Variants in EYS observed in about 807,000 individuals in gnomAD.
EYS encodes the protein protein eyes shut homolog.
A neutral mutation model predicts 282.1 loss-of-function variants in EYS; 250 were observed. That is an observed-to-expected ratio of 0.89 (90% CI 0.80 to 0.98). The LOEUF (loss-of-function observed/expected upper bound fraction) is 0.98. EYS is among the 50% of genes least tolerant of loss of function. The probability of loss-of-function intolerance (pLI) is 0.00; values close to 1 mark genes in which losing one functional copy is unlikely to be tolerated. For missense variants in EYS, 4,016 were observed against 3,709.0 expected (o/e 1.08, Z -2.15); for synonymous variants, 1,355 against 1,282.9 (o/e 1.06, Z -1.20).
intron 35 of EYS, among the ~76,000 whole-genome samples, chr6:63,901,315 G>A (rs1309217254): frequency 6.6e-6 from 1 of 152,182 alleles, no homozygotes; most frequent in African/African-American, 2.4e-5. Context: ...AAGATAGACA[G>A]AGATTATCTA....
At chr6:65,361,120 C>A (rs112175366) in intron 8 of EYS, among the ~76,000 whole-genome samples, 366 of 18,324 alleles carry the variant, frequency 0.02, no homozygotes, top group African/African-American at 0.054. Context: ...GACAAAAAAA[C>A]AAACACCGCA....
Position 64,787,404 on chromosome 6 carries a change from T to C in EYS, c.3443+25974A>G, listed in dbSNP as rs531963330. On this transcript the variant is annotated intron_variant, in intron 22 of 42. Coordinates refer to ENST00000503581, the MANE Select transcript of EYS (RefSeq NM_001142800.2). Reference sequence around the variant, plus strand: ...TCCCTTGACTTATGACTTTTGATATTATACTTGAGAATTTTTACTTATCCT... The same window carrying C: ...TCCCTTGACTTATGACTTTTGATATCATACTTGAGAATTTTTACTTATCCT... Among the ~76,000 whole-genome samples the C allele has an allele frequency of 7.9e-5, 12 of 152,280 alleles. No individual in the cohort carries two copies. The South Asian group carries it at 2.5e-3, about 32-fold the overall frequency.
chr6:64,277,650 T>G (rs756993524), intron 30 of EYS, among the ~76,000 whole-genome samples: 15 of 152,028 alleles, frequency 9.9e-5, no homozygotes, highest in Non-Finnish European at 1.9e-4. Context: ...AGTTGCAAAA[T>G]GGAAAGTTTA....
At chr6:64,913,955 G>A (rs533632884) in intron 15 of EYS, among the ~76,000 whole-genome samples, 4 of 152,122 alleles carry the variant, frequency 2.6e-5, no homozygotes, top group Admixed American at 1.3e-4. Flanking sequence ...CAGGCTTCTA[G>A]CTCAGTCTAG....
At chr6:65,330,166 G>A (rs2150310454) in intron 11 of EYS, 1 of 981,034 alleles carries the variant, frequency 1.0e-6, no homozygotes, top group East Asian at 1.1e-4. Context: ...TCTGAAGAGT[G>A]TATAATCTTA....
In EYS at chr6:64,789,654, C is replaced by T. The variant is rs114100940; in HGVS notation, c.3443+23724G>A. On this transcript the variant is annotated intron_variant, in intron 22 of 42. Transcript: ENST00000503581. Reference sequence around the variant, plus strand: ...CAAAATTATCATTATCACATTGTATCGAATTCTCTTTCTCCTTCCCCTGTA... The same window carrying T: ...CAAAATTATCATTATCACATTGTATTGAATTCTCTTTCTCCTTCCCCTGTA... Among the ~76,000 whole-genome samples, 157 of 152,162 alleles carry T rather than the reference C, an allele frequency of 1.0e-3. 1 individual carries two copies. Among genetic ancestry groups the T allele is most frequent in the African/African-American group, 3.5e-3 (147 of 41,520 alleles).
At chr6:64,571,568 A>G (rs1418064116) in intron 26 of EYS, among the ~76,000 whole-genome samples, 1 of 152,228 alleles carries the variant, frequency 6.6e-6, no homozygotes, top group African/African-American at 2.4e-5. Flanking sequence ...AGAATCAAAT[A>G]GACACAATAA....
intron 26 of EYS, among the ~76,000 whole-genome samples, chr6:64,444,296 A>T (rs1775050131): frequency 6.6e-6 from 1 of 152,194 alleles, no homozygotes; most frequent in African/African-American, 2.4e-5. Flanking sequence ...GGTTGGTATC[A>T]TTGCTTGTAA....
chr6:63,993,119 A>AT (rs1767679362), intron 34 of EYS, among the ~76,000 whole-genome samples: 2 of 151,924 alleles, frequency 1.3e-5, no homozygotes, highest in East Asian at 1.9e-4. Context: ...GCAAAATGTC[A>AT]TTTTACAAAA....
chr6:63,724,038 T>G (rs968248217), intron 42 of EYS, among the ~76,000 whole-genome samples: 14 of 151,982 alleles, frequency 9.2e-5, no homozygotes, highest in African/African-American at 3.4e-4. Flanking sequence ...ACCTCCTGAC[T>G]TCAGGTGATC....
At chr6:64,245,378 T>C (rs1049228977) in intron 30 of EYS, among the ~76,000 whole-genome samples, 8 of 152,002 alleles carry the variant, frequency 5.3e-5, no homozygotes, top group Non-Finnish European at 1.0e-4. Context: ...GGCAGTGCAG[T>C]GACACAATTG....
chr6:65,501,380 T>G (rs1024105886), intron 2 of EYS, among the ~76,000 whole-genome samples: 7 of 151,974 alleles, frequency 4.6e-5, no homozygotes, highest in Non-Finnish European at 1.5e-5. Context: ...TATTCAACTC[T>G]TTTAAGATCA....
At chr6:65,077,607 T>C (rs1774096017) in intron 12 of EYS, among the ~76,000 whole-genome samples, 1 of 152,126 alleles carries the variant, frequency 6.6e-6, no homozygotes, top group Admixed American at 6.6e-5. Flanking sequence ...TTCATTAAAC[T>C]CAAAATTATT....
rs914568140 is a variant in EYS at position 64,521,770 on chromosome 6, T to C, written c.5644+68453A>G. On this transcript the variant is annotated intron_variant, in intron 26 of 42. Coordinates refer to ENST00000503581, the MANE Select transcript of EYS (RefSeq NM_001142800.2). ...TTTTTGTAGTAACATATTTTACTAT[T>C]TTACTGCTATTATGTTGCTCTTGAA... Among the ~76,000 whole-genome samples the C allele has an allele frequency of 4.6e-5, 7 of 151,834 alleles. No homozygotes were observed. In the South Asian group the frequency reaches 1.0e-3, roughly 22 times the overall value.
intron 33 of EYS, among the ~76,000 whole-genome samples, chr6:64,065,986 G>A (rs1440199131): frequency 2.6e-5 from 4 of 152,106 alleles, no homozygotes; most frequent in Admixed American, 6.6e-5. Flanking sequence ...AGTTCAGGCC[G>A]GGCATGGTGG....
chr6:65,407,018 T>C (rs1160550752), intron 5 of EYS, among the ~76,000 whole-genome samples: 2 of 152,120 alleles, frequency 1.3e-5, no homozygotes, highest in Non-Finnish European at 2.9e-5. Flanking sequence ...TGGAATATTA[T>C]AGGAATTTTA....
intron 28 of EYS, among the ~76,000 whole-genome samples, chr6:64,407,039 G>A (rs1297481973): frequency 6.6e-6 from 1 of 152,118 alleles, no homozygotes; most frequent in Non-Finnish European, 1.5e-5. Context: ...CAAACACTTG[G>A]AACCAACCCA....
At chr6:64,179,348 A>C (rs4710466) in intron 31 of EYS, among the ~76,000 whole-genome samples, 47,409 of 151,860 alleles carry the variant, frequency 0.31, 7,448 homozygotes, top group East Asian at 0.5. Flanking sequence ...CAAGAAATTA[A>C]GTTTTTAAAA....
At chr6:65,424,654 T>C (rs969202270) in intron 5 of EYS, among the ~76,000 whole-genome samples, 7 of 152,038 alleles carry the variant, frequency 4.6e-5, no homozygotes, top group African/African-American at 1.7e-4. Context: ...GTATCCTAAG[T>C]TTATAAATGC....
Sources: gnomAD v4.1 joint callset for allele counts (sites outside exome capture counted in the v4.1 genomes callset) on GRCh38, gnomAD v4.1.1 for gene constraint, MANE v1.5 for transcripts, NCBI Gene and HGNC (gene_info 2026-07-23, HGNC 2026-07-21) for gene names.